The following OR51B5 variants were observed in gnomAD, a reference collection of about 807,000 sequenced individuals.
OR51B5 encodes the protein olfactory receptor 51B5.
For missense variants in OR51B5, 456 were observed against 374.6 expected (o/e 1.22, Z -1.79); for synonymous variants, 186 against 144.8 (o/e 1.28, Z -2.04).
chr11:5,363,388 A>C (rs1849317122), intron 1 of OR51B5, among the ~76,000 whole-genome samples: 1 of 146,454 alleles, frequency 6.8e-6, no homozygotes. Context: ...TATGGTGTTG[A>C]GTACATGATC....
At chr11:5,483,785 C>G (rs1185201797) in intron 1 of OR51B5, among the ~76,000 whole-genome samples, 1 of 152,108 alleles carries the variant, frequency 6.6e-6, no homozygotes, top group Non-Finnish European at 1.5e-5. Flanking sequence ...CTGCACATCA[C>G]AGAAAGTCAA....
intron 1 of OR51B5, chr11:5,423,034 G>T (rs577276785): frequency 6.2e-7 from 1 of 1,613,930 alleles, no homozygotes; most frequent in South Asian, 1.1e-5. Context: ...ATGTTATCAT[G>T]GCCAATATCT....
At chr11:5,360,165 G>T (rs1849258561) in intron 1 of OR51B5, among the ~76,000 whole-genome samples, 1 of 144,522 alleles carries the variant, frequency 6.9e-6, no homozygotes, top group African/African-American at 2.6e-5. Flanking sequence ...AAACTAAAGA[G>T]CTTCTGCACA....
intron 1 of OR51B5, among the ~76,000 whole-genome samples, chr11:5,452,363 G>A (rs573732443): frequency 5.3e-5 from 8 of 151,954 alleles, no homozygotes; most frequent in Admixed American, 2.6e-4. Flanking sequence ...AAAATTAGCC[G>A]GGCATGGTGG....
intron 1 of OR51B5, chr11:5,441,520 G>A (rs757309363): frequency 6.2e-7 from 1 of 1,605,510 alleles, no homozygotes; most frequent in Admixed American, 1.7e-5. Flanking sequence ...AGCATGGTGG[G>A]AGAATATAGA....
chr11:5,398,833 C>T (rs545970049), intron 1 of OR51B5, among the ~76,000 whole-genome samples: 6 of 152,170 alleles, frequency 3.9e-5, no homozygotes, highest in Non-Finnish European at 8.8e-5. Context: ...TTGTAAGTTT[C>T]CTGAGGCCTC....
chr11:5,417,234 C>T (rs890568138), intron 1 of OR51B5, among the ~76,000 whole-genome samples: 1 of 148,966 alleles, frequency 6.7e-6, no homozygotes, highest in Non-Finnish European at 1.5e-5. Context: ...ATGTAGAAAG[C>T]TGAAACTGGA....
chr11:5,354,558 G>A (rs1297935009), intron 1 of OR51B5: 1 of 152,760 alleles, frequency 6.5e-6, no homozygotes, highest in Non-Finnish European at 1.5e-5. Context: ...GGCTCCCGAT[G>A]GTCCCTGAAC....
chr11:5,447,000 T>TA (rs1850775565), intron 1 of OR51B5, among the ~76,000 whole-genome samples: 1 of 152,096 alleles, frequency 6.6e-6, no homozygotes, highest in African/African-American at 2.4e-5. Flanking sequence ...ACAGAATCTC[T>TA]ACTCCCTAGA....
At chr11:5,453,119 A>C in intron 1 of OR51B5, 1 of 161,870 alleles carries the variant, frequency 6.2e-6, no homozygotes. Flanking sequence ...TCTTGTGGCT[A>C]TGAATTGTAG....
At chr11:5,397,577 A>G (rs1029428179) in intron 1 of OR51B5, among the ~76,000 whole-genome samples, 6 of 150,882 alleles carry the variant, frequency 4.0e-5, no homozygotes, top group Admixed American at 3.3e-4. Context: ...ATGTGGAGAA[A>G]TAGGAACACT....
Position 5,343,125 on chromosome 11 carries a change from GTACAGAGGTATA to G in OR51B5, c.388_399del (p.Tyr130_Val133del), listed in dbSNP as rs750927382. On this transcript the variant is annotated inframe_deletion, in exon 1 of 1. Coordinates refer to ENST00000300773, the Ensembl canonical transcript of OR51B5. ...ATCTTCACTACTCGAGTATTAGTAA[GTACAGAGGTATA>G]TCTAAGAGGGTTGCAGATGGCAATA... The G allele has an allele frequency of 9.9e-6, 16 of 1,613,418 alleles. No individual in the cohort carries two copies. In the African/African-American group the frequency reaches 2.0e-4, roughly 20 times the overall value.
chr11:5,476,023 C>A lies in OR51B5; in HGVS notation n.84+29546G>T, dbSNP rs796349214. On this transcript the variant is annotated intron_variant and non_coding_transcript_variant, in intron 1 of 4. Coordinates refer to the OR51B5 transcript ENST00000415970. ...TTCCAGTCCAAACCCTCTCTTCATG[C>A]CTCACATAAAATCCTCATAAAGTGA... 1.4e-4 allele frequency among the ~76,000 whole-genome samples: 22 copies of A among 152,310 alleles called. 1 individual carries two copies. The highest frequency in any genetic ancestry group is 5.3e-4 in the African/African-American group (22 of 41,556).
chr11:5,350,078 A>G (rs1849054064), intron 1 of OR51B5, among the ~76,000 whole-genome samples: 1 of 152,248 alleles, frequency 6.6e-6, no homozygotes, highest in South Asian at 2.1e-4. Flanking sequence ...TACTCACTAG[A>G]GAAAGAGAAA....
intron 1 of OR51B5, among the ~76,000 whole-genome samples, chr11:5,398,110 G>C (rs1477479421): frequency 6.6e-6 from 1 of 152,150 alleles, no homozygotes; most frequent in Non-Finnish European, 1.5e-5. Flanking sequence ...TAAATGGTGA[G>C]TTAATGGGTG....
chr11:5,421,265 T>G (rs1478543711), intron 1 of OR51B5, among the ~76,000 whole-genome samples: 1 of 152,184 alleles, frequency 6.6e-6, no homozygotes, highest in East Asian at 1.9e-4. Flanking sequence ...ACTAGAGATC[T>G]GCAAGGGGCT....
At chr11:5,495,813 C>G (rs1371910087) in intron 1 of OR51B5, among the ~76,000 whole-genome samples, 2 of 152,262 alleles carry the variant, frequency 1.3e-5, no homozygotes, top group East Asian at 3.8e-4. Flanking sequence ...AAAACAAGAT[C>G]CAACTATATA....
At chr11:5,366,789 A>T (rs890224958) in intron 1 of OR51B5, among the ~76,000 whole-genome samples, 6 of 152,196 alleles carry the variant, frequency 3.9e-5, no homozygotes, top group African/African-American at 1.2e-4. Context: ...AATAAAAATT[A>T]AAATTTGGGA....
chr11:5,502,362 A>G (rs1347251269), intron 1 of OR51B5, among the ~76,000 whole-genome samples: 1 of 152,194 alleles, frequency 6.6e-6, no homozygotes, highest in African/African-American at 2.4e-5. Context: ...CCATGAATGT[A>G]TCGAGCTCCA....
Sources: allele counts gnomAD v4.1 joint callset (sites outside exome capture counted in the v4.1 genomes callset), GRCh38; gene constraint gnomAD v4.1.1; transcripts MANE v1.5; gene names NCBI Gene and HGNC (gene_info 2026-07-23, HGNC 2026-07-21).